TMC3: variants seen among roughly 807,000 people sequenced by gnomAD.
The protein encoded by TMC3 is transmembrane channel-like protein 3.
TMC3 carries 98 observed loss-of-function variants against 110.6 expected under a neutral mutation model. The observed-to-expected ratio is 0.89, with a 90% CI of 0.75 to 1.05. The LOEUF is 1.05. Ranked by LOEUF, TMC3 falls within the 50% of genes least tolerant of loss-of-function variation. The pLI, the probability that TMC3 is intolerant of heterozygous loss-of-function variation, is 0.00. For synonymous variants in TMC3, 489 were observed against 513.1 expected (o/e 0.95, Z 0.63); for missense variants, 1,319 against 1,373.2 (o/e 0.96, Z 0.62).
chr15:81,347,930 A>T (rs1567064258), intron 11 of TMC3, among the ~76,000 whole-genome samples: 1 of 152,238 alleles, frequency 6.6e-6, no homozygotes, highest in Non-Finnish European at 1.5e-5. Flanking sequence ...ACCCTGGGCC[A>T]TGAAGGTTTG....
chr15:81,373,883 G>T, intron 1 of TMC3, 106 bp downstream of exon 1: 1 of 1,056,294 alleles, frequency 9.5e-7, no homozygotes. Flanking sequence ...TCATTCTGAA[G>T]GACAACTGAG....
intron 4 of TMC3, 33 bp downstream of exon 4, chr15:81,362,187 T>G (rs753473345): frequency 5.8e-5 from 90 of 1,560,234 alleles, no homozygotes; most frequent in Admixed American, 4.8e-4. Context: ...TAGCATTGCA[T>G]TCCTGCCCCA....
At chr15:81,349,194 C>T (rs1251356818) in intron 11 of TMC3, among the ~76,000 whole-genome samples, 2 of 151,884 alleles carry the variant, frequency 1.3e-5, no homozygotes, top group Admixed American at 1.3e-4. Context: ...CCTTCTCCTC[C>T]TCCTCTTCTT....
At chr15:81,342,760 G>C (rs1893741586) in intron 15 of TMC3, 1 of 152,574 alleles carries the variant, frequency 6.6e-6, no homozygotes, top group South Asian at 2.1e-4. Context: ...GTGTCTCCAA[G>C]GACAGGAATG....
Position 81,351,750 on chromosome 15 carries a change from G to A in TMC3, c.1027C>T (p.Arg343Trp), listed in dbSNP as rs747455717. The A allele has an allele frequency of 2.2e-5, 35 of 1,589,560 alleles. No individual in the cohort carries two copies. The highest frequency in any genetic ancestry group is 9.4e-5 in the African/African-American group (7 of 74,328). Residue 343 changes from arginine to tryptophan, a missense_variant, in exon 10 of 22, where the codon CGG becomes TGG. Transcript: ENST00000359440. ...TTCGACTGCTCCAGCTTCTGGGACC[G>A]GTCCACCACAAAGTAGATGAGATAA... ...SIYLIYFVVD[R>W]SQKLEQSKKE...
intron 8 of TMC3, among the ~76,000 whole-genome samples, chr15:81,356,073 T>G (rs1340898499): frequency 6.6e-6 from 1 of 152,206 alleles, no homozygotes; most frequent in Admixed American, 6.5e-5. Flanking sequence ...TCTGAATATT[T>G]TTGATTGCAT....
At position 81,336,614 on chromosome 15, in the gene TMC3, A is replaced by G. The variant is rs929999816; in HGVS notation, c.2198T>C (p.Val733Ala). The G allele has an allele frequency of 3.1e-6, 5 of 1,613,742 alleles. No individual in the cohort carries two copies. The highest frequency in any genetic ancestry group is 1.7e-5 in the Admixed American group (1 of 60,000). Residue 733 changes from valine to alanine, a missense_variant, in exon 20 of 22, where the codon GTA becomes GCA. Val to Ala is a moderately conservative substitution (Grantham distance 64). Transcript: ENST00000359440. ...SEDKKKVAQM[V>A]EARIQTQEES... ...AAAGAAACGGAAATACTTACCTTCT[A>G]CCATCTGGGCAACCTTTTTCTTATC...
At chr15:81,336,566 T>C (rs773590077) in intron 20 of TMC3, 43 bp downstream of exon 20, 1 of 1,605,372 alleles carries the variant, frequency 6.2e-7, no homozygotes, top group Non-Finnish European at 8.5e-7. Flanking sequence ...AGACTCTGCC[T>C]CAAAACAAAA....
At position 81,343,924 on chromosome 15, in the gene TMC3, C is replaced by T; in HGVS notation, c.1640G>A (p.Ser547Asn). 3.7e-6 allele frequency: 6 copies of T among 1,611,984 alleles called. No homozygotes were observed. Among genetic ancestry groups the T allele is most frequent in the Middle Eastern group, 1.7e-4 (1 of 6,044 alleles). ...ACACAGCATTTTACTTACAAACTTG[C>T]TCTCCAGATCCCAACACCAGTAGTC... ...LSDYWCWDLE[S>N]KFPEYGEFKI... The change falls in exon 14 of 22, where the codon AGC becomes AAC. Residue 547 changes from serine to asparagine, a missense_variant. By Grantham distance (46) the Ser-to-Asn change is conservative. Coordinates refer to ENST00000359440, the MANE Select transcript of TMC3 (RefSeq NM_001080532.3).
chr15:81,335,243 A>G (rs551624899), intron 20 of TMC3, among the ~76,000 whole-genome samples: 1 of 152,320 alleles, frequency 6.6e-6, no homozygotes, highest in South Asian at 2.1e-4. Context: ...AGGCAAAGCA[A>G]GTACTTAACA....
chr15:81,343,934 C>G lies in TMC3; in HGVS notation c.1630G>C (p.Asp544His). 1 of 1,612,382 alleles carries G rather than the reference C, an allele frequency of 6.2e-7. No homozygotes were observed. The highest frequency in any genetic ancestry group is 1.1e-5 in the South Asian group (1 of 91,000). ...TTACTTACAAACTTGCTCTCCAGAT[C>G]CCAACACCAGTAGTCACTTAAGTAC... ...VRYLSDYWCW[D>H]LESKFPEYGE... Residue 544 changes from aspartate (D) to histidine (H), a missense_variant, in exon 14 of 22, where the codon GAT (aspartate) becomes CAT (histidine). Coordinates refer to ENST00000359440, the MANE Select transcript of TMC3 (RefSeq NM_001080532.3).
chr15:81,341,584 G>A (rs2141697072), intron 15 of TMC3, 66 bp from the exon 16 acceptor site: 2 of 1,528,320 alleles, frequency 1.3e-6, no homozygotes, highest in South Asian at 1.2e-5. Context: ...GACTATGGAA[G>A]CCCCATGCAG....
At chr15:81,345,256 C>T (rs991776935) in intron 12 of TMC3, among the ~76,000 whole-genome samples, 2 of 152,122 alleles carry the variant, frequency 1.3e-5, no homozygotes, top group Non-Finnish European at 2.9e-5. Context: ...TTTTAGGTAA[C>T]ACATGTTAAC....
At position 81,332,484 on chromosome 15, in the gene TMC3, TC is replaced by T. The variant is rs1567059158; in HGVS notation, c.3237del (p.Arg1080GlyfsTer9). On this transcript the variant is annotated frameshift_variant, in exon 22 of 22. Transcript: ENST00000359440. LOFTEE classifies it high-confidence loss of function. ...AGCTCCTGCCCCGACTTGGCCTTCC[TC>T]CTGCTGGGCTGGCCCACGGACCTCG... Reference protein sequence around the residue: ...RFPRSVGQPSRRKAKSGQELT... With the variant: ...RFPRSVGQPSXRKAKSGQELT... 1 of 1,613,124 alleles carries T rather than the reference TC, an allele frequency of 6.2e-7. No homozygotes were observed. The highest frequency in any genetic ancestry group is 2.2e-5 in the East Asian group (1 of 44,858).
chr15:81,332,454 C>T lies in TMC3; in HGVS notation c.3268G>A (p.Val1090Met), dbSNP rs1239304364. Residue 1090 changes from valine to methionine, a missense_variant, in exon 22 of 22, where the codon GTG (valine) becomes ATG (methionine). Physicochemically the swap from Val to Met is conservative, Grantham distance 21. Coordinates refer to ENST00000359440, the MANE Select transcript of TMC3 (RefSeq NM_001080532.3). ...RKAKSGQELT[V>M]DLDDLICSDV is the part of the protein sequence containing the mutation. ...GAACAAATCAAGTCATCCAGATCCA[C>T]GGTCAGCTCCTGCCCCGACTTGGCC... 1.2e-6 allele frequency: 2 copies of T among 1,610,972 alleles called. No individual in the cohort carries two copies. The highest frequency in any genetic ancestry group is 1.7e-6 in the Non-Finnish European group (2 of 1,178,542).
At chr15:81,345,628 G>GGGAGGTC (rs1893811000) in intron 12 of TMC3, among the ~76,000 whole-genome samples, 1 of 152,188 alleles carries the variant, frequency 6.6e-6, no homozygotes, top group South Asian at 2.1e-4. Context: ...CCAGCACTTT[G>GGGAGGTC]GGAGGTCGAG....
chr15:81,372,641 T>G lies in TMC3; in HGVS notation c.186A>C (p.Ala62=). ...QNIQFQKDLM[A]NIRCRPWTMG... Reference sequence around the variant, plus strand: ...TAGTCCAGGGTCTGCAGCGAATGTTTGCCATGAGATCTTTCTGGAACTGTA... The same window carrying G: ...TAGTCCAGGGTCTGCAGCGAATGTTGGCCATGAGATCTTTCTGGAACTGTA... Residue 62 remains alanine, a synonymous_variant, in exon 2 of 22, where the codon GCA becomes GCC. Transcript: ENST00000359440. 6.2e-7 allele frequency: 1 copy of G among 1,613,962 alleles called. No individual in the cohort carries two copies. Among genetic ancestry groups the G allele is most frequent in the Non-Finnish European group, 8.5e-7 (1 of 1,179,896 alleles).
At chr15:81,344,568 A>G (rs1047078539) in intron 13 of TMC3, among the ~76,000 whole-genome samples, 198 bp downstream of exon 13, 1 of 152,236 alleles carries the variant, frequency 6.6e-6, no homozygotes, top group East Asian at 1.9e-4. Flanking sequence ...CATTTAGGAC[A>G]GGACCCAGCA....
At chr15:81,369,446 A>T (rs1461770884) in intron 2 of TMC3, among the ~76,000 whole-genome samples, 1 of 152,220 alleles carries the variant, frequency 6.6e-6, no homozygotes, top group Non-Finnish European at 1.5e-5. Context: ...CCATACCATG[A>T]CTACCATGTT....
Sources: gnomAD v4.1 joint callset for allele counts (sites outside exome capture counted in the v4.1 genomes callset) on GRCh38, gnomAD v4.1.1 for gene constraint, MANE v1.5 for transcripts, NCBI Gene and HGNC (gene_info 2026-07-23, HGNC 2026-07-21) for gene names.